Variants in MAP2K6 observed in about 807,000 individuals in gnomAD.
The protein encoded by MAP2K6 is mitogen-activated protein kinase kinase 6.
Under a neutral mutation model 53.7 loss-of-function variants are expected in MAP2K6, and 16 were observed. The ratio of observed to expected loss-of-function variants is 0.30; its 90% CI spans 0.20 to 0.45. The LOEUF is 0.45. MAP2K6 is among the 20% of genes least tolerant of loss of function. The pLI is 1.00. For missense variants in MAP2K6, 204 were observed against 411.9 expected (o/e 0.50, Z 4.37); for synonymous variants, 132 against 143.1 (o/e 0.92, Z 0.55).
intron 10 of MAP2K6, among the ~76,000 whole-genome samples, chr17:69,528,109 C>CAAAAAAAAAA (rs71357724): frequency 1.1e-3 from 85 of 75,638 alleles, no homozygotes; most frequent in African/African-American, 4.1e-3. Flanking sequence ...AACTTCGTCT[C>CAAAAAAAAAA]AAAAAAAAAA....
intron 1 of MAP2K6, among the ~76,000 whole-genome samples, chr17:69,497,326 T>G (rs1448781855): frequency 6.6e-6 from 1 of 152,212 alleles, no homozygotes; most frequent in Admixed American, 6.5e-5. Context: ...GAAGACTTCC[T>G]GGAGAAAAAC....
chr17:69,449,976 C>T (rs551733122), intron 1 of MAP2K6, among the ~76,000 whole-genome samples: 1 of 151,716 alleles, frequency 6.6e-6, no homozygotes, highest in Admixed American at 6.6e-5. Flanking sequence ...ACTCTGTCAC[C>T]CAGGCTGGAG....
intron 10 of MAP2K6, among the ~76,000 whole-genome samples, chr17:69,528,109 CAAAAAA>C (rs71357724): frequency 1.3e-5 from 1 of 75,722 alleles, no homozygotes; most frequent in Non-Finnish European, 2.4e-5. Flanking sequence ...AACTTCGTCT[CAAAAAA>C]AAAAAAAAAA....
At chr17:69,423,291 G>A (rs939508524) in intron 1 of MAP2K6, among the ~76,000 whole-genome samples, 2 of 152,074 alleles carry the variant, frequency 1.3e-5, no homozygotes, top group Admixed American at 6.6e-5. Flanking sequence ...AAAATGATAC[G>A]AAATTCAAAT....
intron 1 of MAP2K6, among the ~76,000 whole-genome samples, chr17:69,468,476 C>G (rs558912797): frequency 6.6e-6 from 1 of 152,324 alleles, no homozygotes; most frequent in Non-Finnish European, 1.5e-5. Flanking sequence ...TACTGAAGGC[C>G]AATAAAGCTG....
chr17:69,513,839 G>A (rs1298374938), intron 2 of MAP2K6, among the ~76,000 whole-genome samples: 2 of 152,154 alleles, frequency 1.3e-5, no homozygotes, highest in Admixed American at 1.3e-4. Context: ...TAAAAAGTCA[G>A]GATGGTGGGT....
chr17:69,472,142 A>G (rs983017885), intron 1 of MAP2K6, among the ~76,000 whole-genome samples: 2 of 152,260 alleles, frequency 1.3e-5, no homozygotes, highest in Non-Finnish European at 2.9e-5. Flanking sequence ...AAAGAGCCAA[A>G]CATATTCACA....
At chr17:69,519,182 T>G (rs932816718) in intron 4 of MAP2K6, 131 bp from the exon 5 acceptor site, 33 of 912,544 alleles carry the variant, frequency 3.6e-5, no homozygotes, top group Non-Finnish European at 5.4e-5. Flanking sequence ...GCTAATCACT[T>G]TGGGTGGCTA....
chr17:69,449,280 A>G (rs1179356788), intron 1 of MAP2K6, among the ~76,000 whole-genome samples: 1 of 151,978 alleles, frequency 6.6e-6, no homozygotes. Flanking sequence ...TATAAATGTT[A>G]CATATAATAT....
chr17:69,476,846 G>T (rs1249162201), intron 1 of MAP2K6, among the ~76,000 whole-genome samples: 2 of 152,168 alleles, frequency 1.3e-5, no homozygotes, highest in African/African-American at 4.8e-5. Context: ...TAATAGCTAG[G>T]TCATTGCTAA....
chr17:69,531,429 A>G (rs1911081001), intron 10 of MAP2K6, among the ~76,000 whole-genome samples: 1 of 152,192 alleles, frequency 6.6e-6, no homozygotes, highest in Non-Finnish European at 1.5e-5. Context: ...GCAAGGTACC[A>G]TAATTCTGTA....
intron 1 of MAP2K6, among the ~76,000 whole-genome samples, chr17:69,475,383 T>G (rs1908116693): frequency 6.6e-6 from 1 of 152,110 alleles, no homozygotes; most frequent in Non-Finnish European, 1.5e-5. Flanking sequence ...TTAGCCAAGA[T>G]GGTCTCGATC....
intron 1 of MAP2K6, among the ~76,000 whole-genome samples, chr17:69,482,513 T>C (rs1908382427): frequency 7.0e-6 from 1 of 142,796 alleles, no homozygotes; most frequent in East Asian, 2.1e-4. Flanking sequence ...CATTTGTGTA[T>C]TTTTTTTTTT....
intron 7 of MAP2K6, among the ~76,000 whole-genome samples, chr17:69,522,729 C>T (rs1910544189): frequency 3.3e-5 from 5 of 152,038 alleles, no homozygotes; most frequent in Admixed American, 1.3e-4. Context: ...TATGTGACCT[C>T]TGACACATCG....
At chr17:69,430,292 T>C (rs553873386) in intron 1 of MAP2K6, among the ~76,000 whole-genome samples, 12 of 151,966 alleles carry the variant, frequency 7.9e-5, no homozygotes, top group Admixed American at 6.5e-4. Context: ...GCCAAGATCG[T>C]GCCACTGCAC....
At chr17:69,479,313 T>G (rs1908267464) in intron 1 of MAP2K6, among the ~76,000 whole-genome samples, 1 of 152,158 alleles carries the variant, frequency 6.6e-6, no homozygotes, top group Admixed American at 6.5e-5. Context: ...ATGTGAAACT[T>G]TTTGAGCACC....
intron 1 of MAP2K6, among the ~76,000 whole-genome samples, chr17:69,429,263 A>T (rs1329223217): frequency 1.4e-5 from 2 of 144,678 alleles, no homozygotes; most frequent in African/African-American, 5.3e-5. Context: ...ACATAGTGAG[A>T]CTCTGTCTCT....
chr17:69,478,160 G>A (rs908328199), intron 1 of MAP2K6, among the ~76,000 whole-genome samples: 8 of 152,192 alleles, frequency 5.3e-5, no homozygotes, highest in Non-Finnish European at 8.8e-5. Flanking sequence ...GCGCTTGAAC[G>A]CCAGTTTGAA....
At chr17:69,487,469 A>G (rs1908586090) in intron 1 of MAP2K6, among the ~76,000 whole-genome samples, 1 of 152,242 alleles carries the variant, frequency 6.6e-6, no homozygotes, top group African/African-American at 2.4e-5. Context: ...TGTTAATAAG[A>G]AGGTACCTGC....
Sources: gnomAD v4.1 joint callset for allele counts (sites outside exome capture counted in the v4.1 genomes callset) on GRCh38, gnomAD v4.1.1 for gene constraint, MANE v1.5 for transcripts, NCBI Gene and HGNC (gene_info 2026-07-23, HGNC 2026-07-21) for gene names.